RORA: variants seen among roughly 807,000 people sequenced by gnomAD.
RORA encodes the protein nuclear receptor ROR-alpha.
Under a neutral mutation model 69.5 loss-of-function variants are expected in RORA, and 7 were observed. The ratio of observed to expected loss-of-function variants is 0.10; its 90% CI spans 0.06 to 0.19. RORA has a LOEUF of 0.19. Ranked by LOEUF, RORA falls within the 10% of genes least tolerant of loss-of-function variation. The pLI is 1.00. For synonymous variants in RORA, 261 were observed against 240.8 expected (o/e 1.08, Z -0.78); for missense variants, 457 against 663.0 (o/e 0.69, Z 3.41).
At chr15:60,800,110 T>A (rs2072557827) in intron 1 of RORA, among the ~76,000 whole-genome samples, 1 of 152,206 alleles carries the variant, frequency 6.6e-6, no homozygotes, top group African/African-American at 2.4e-5. Context: ...CAAAACTGGC[T>A]ACGGTGAGAG....
intron 1 of RORA, among the ~76,000 whole-genome samples, chr15:61,070,595 T>C (rs1254529958): frequency 2.0e-5 from 3 of 152,234 alleles, no homozygotes; most frequent in Admixed American, 6.5e-5. Flanking sequence ...AGCAAACATT[T>C]ATTGAATGTC....
intron 2 of RORA, among the ~76,000 whole-genome samples, chr15:60,635,997 T>C (rs986576753): frequency 6.6e-6 from 1 of 152,182 alleles, no homozygotes; most frequent in African/African-American, 2.4e-5. Context: ...GTGGTAGTGG[T>C]TATGGAGTCT....
At chr15:60,507,005 T>G (rs908765433) in intron 5 of RORA, among the ~76,000 whole-genome samples, 2 of 149,638 alleles carry the variant, frequency 1.3e-5, no homozygotes, top group African/African-American at 4.9e-5. Flanking sequence ...AAAAAGAAAA[T>G]TATATCTGGG....
intron 1 of RORA, among the ~76,000 whole-genome samples, chr15:61,165,109 G>A (rs866203527): frequency 6.6e-6 from 1 of 152,280 alleles, no homozygotes; most frequent in South Asian, 2.1e-4. Context: ...CTGCGTAATT[G>A]TGAAATACAG....
intron 2 of RORA, among the ~76,000 whole-genome samples, chr15:60,550,281 C>A (rs954047022): frequency 7.9e-5 from 12 of 151,796 alleles, no homozygotes; most frequent in South Asian, 2.1e-4. Flanking sequence ...CAGAGTGAGA[C>A]TCCGTCTCAA....
At position 60,556,806 on chromosome 15, in the gene RORA, T is replaced by C. The variant is rs1164976990; in HGVS notation, c.197-24955A>G. 12 of 1,419,712 alleles carry C rather than the reference T, an allele frequency of 8.5e-6. No individual in the cohort carries two copies. The African/African-American group carries it at 9.9e-5, about 12-fold the overall frequency. The allele number at this position is 1,419,712 out of a possible 1,614,324, so 87.9% of individuals were successfully genotyped here. ...AAACCTCACTTCTTCCTAAAAGCCT[T>C]CGTAAATGAAGAAACCTTGCAAATT... On this transcript the variant is annotated intron_variant, in intron 2 of 10. Transcript: ENST00000335670.
intron 1 of RORA, among the ~76,000 whole-genome samples, chr15:60,840,512 C>T (rs976557694): frequency 3.3e-5 from 5 of 152,256 alleles, no homozygotes; most frequent in African/African-American, 1.2e-4. Flanking sequence ...CCCACTCTCA[C>T]CAGCAGAGGC....
At chr15:60,925,503 G>C (rs1294190410) in intron 1 of RORA, among the ~76,000 whole-genome samples, 1 of 152,206 alleles carries the variant, frequency 6.6e-6, no homozygotes, top group Non-Finnish European at 1.5e-5. Flanking sequence ...ATTGTCTGTA[G>C]GCCCAGTTGT....
intron 1 of RORA, among the ~76,000 whole-genome samples, chr15:60,714,058 CTT>C (rs745813094): frequency 4.9e-5 from 7 of 144,276 alleles, no homozygotes; most frequent in East Asian, 4.0e-4. Flanking sequence ...CTCTCTCTCT[CTT>C]TTTTTTTTTT....
chr15:61,073,944 G>A (rs1448338111), intron 1 of RORA, among the ~76,000 whole-genome samples: 1 of 152,188 alleles, frequency 6.6e-6, no homozygotes, highest in Non-Finnish European at 1.5e-5. Context: ...CCATTTTAAT[G>A]AACATAAGAT....
chr15:60,959,130 T>C (rs1440704226), intron 1 of RORA, among the ~76,000 whole-genome samples: 1 of 152,234 alleles, frequency 6.6e-6, no homozygotes, highest in Non-Finnish European at 1.5e-5. Context: ...GCTTGCTTGG[T>C]ACAGCCATTG....
intron 1 of RORA, among the ~76,000 whole-genome samples, chr15:60,939,273 T>C (rs1300609400): frequency 6.6e-6 from 1 of 152,148 alleles, no homozygotes. Flanking sequence ...TCTTTCAGCA[T>C]GGTAGCCCTG....
rs2066607805 is a variant in RORA at position 60,534,074 on chromosome 15, G to A, written c.197-2223C>T. Among the ~76,000 whole-genome samples, 1 of 152,190 alleles carries A rather than the reference G, an allele frequency of 6.6e-6. No individual in the cohort carries two copies. On this transcript the variant is annotated intron_variant, in intron 2 of 10. Transcript: ENST00000335670. The surrounding 1 kb of genome is among the most constrained non-coding windows in gnomAD (Gnocchi z 5.0). Reference sequence around the variant, plus strand: ...GAGAACAATGAGTAGAACTGCATCTGGACAAACTGAAAATGATATGCAGTA... The same window carrying A: ...GAGAACAATGAGTAGAACTGCATCTAGACAAACTGAAAATGATATGCAGTA...
intron 1 of RORA, among the ~76,000 whole-genome samples, chr15:60,681,383 A>T (rs1339419411): frequency 6.6e-6 from 1 of 152,228 alleles, no homozygotes; most frequent in East Asian, 1.9e-4. Flanking sequence ...CTCAGCAGTC[A>T]GCTCTGTAAA....
At chr15:60,715,603 A>G (rs1341555312) in intron 1 of RORA, among the ~76,000 whole-genome samples, 7 of 152,198 alleles carry the variant, frequency 4.6e-5, no homozygotes, top group South Asian at 2.1e-4. Context: ...ACATTGAAAA[A>G]TAACACCAAA....
At chr15:61,058,537 AG>A (rs1052882253) in intron 1 of RORA, among the ~76,000 whole-genome samples, 6 of 152,150 alleles carry the variant, frequency 3.9e-5, no homozygotes, top group Non-Finnish European at 7.4e-5. Flanking sequence ...AGTAAGCAAA[AG>A]GGGTAATCTG....
intron 1 of RORA, among the ~76,000 whole-genome samples, chr15:60,936,189 C>T (rs947999758): frequency 1.4e-4 from 21 of 152,200 alleles, no homozygotes; most frequent in East Asian, 1.9e-4. Context: ...GTATCTATGG[C>T]CCTGGGGGAA....
intron 2 of RORA, among the ~76,000 whole-genome samples, chr15:60,540,104 A>G (rs985165204): frequency 3.3e-5 from 5 of 152,348 alleles, no homozygotes; most frequent in East Asian, 1.9e-4. Flanking sequence ...TGTCCCTTAC[A>G]TAATTCTGGA....
intron 1 of RORA, among the ~76,000 whole-genome samples, chr15:61,210,432 A>G (rs996121922): frequency 6.6e-6 from 1 of 152,224 alleles, no homozygotes; most frequent in South Asian, 2.1e-4. Context: ...GAGAACAGGG[A>G]AAAAAGATTC....
Sources: allele counts gnomAD v4.1 joint callset (sites outside exome capture counted in the v4.1 genomes callset), GRCh38; gene constraint gnomAD v4.1.1; non-coding constraint Gnocchi (gnomAD v3.1); transcripts MANE v1.5; gene names NCBI Gene and HGNC (gene_info 2026-07-23, HGNC 2026-07-21).